FMO3: variants seen among roughly 807,000 people sequenced by gnomAD.
FMO3 encodes the protein flavin-containing monooxygenase 3.
Under a neutral mutation model 39.4 loss-of-function variants are expected in FMO3, and 40 were observed. The ratio of observed to expected loss-of-function variants is 1.02; its 90% confidence interval spans 0.79 to 1.32. The LOEUF is 1.32. Ranked by LOEUF, FMO3 falls within the 40% of genes most tolerant of loss-of-function variation. The probability of loss-of-function intolerance (pLI) is 0.00; values close to 1 mark genes in which losing one functional copy is unlikely to be tolerated. For synonymous variants in FMO3, 219 were observed against 228.8 expected, an observed-to-expected ratio of 0.96 and a Z score of 0.39; for missense variants, 680 against 651.8, an observed-to-expected ratio of 1.04 and a Z score of -0.47.
At chr1:171,105,640 A>G (rs1179079470) in intron 3 of FMO3, among the ~76,000 whole-genome samples, 2 of 152,108 alleles carry the variant, frequency 1.3e-5, no homozygotes, top group Non-Finnish European at 2.9e-5. Flanking sequence ...TAAAAAAAAA[A>G]GAGATTAACT....
intron 6 of FMO3, among the ~76,000 whole-genome samples, 155 bp from the exon 7 acceptor site, chr1:171,113,852 C>T (rs1445778988): frequency 1.3e-5 from 2 of 152,076 alleles, no homozygotes; most frequent in African/African-American, 4.8e-5. Flanking sequence ...TGTTGCCTCC[C>T]ATCAATTTTG....
intron 2 of FMO3, chr1:171,101,111 T>C (rs1425230515): frequency 4.4e-6 from 2 of 455,950 alleles, no homozygotes; most frequent in Admixed American, 4.7e-5. Flanking sequence ...ACAAGAGGGG[T>C]CTTGCCACTG....
Position 171,117,271 on chromosome 1 carries a change from A to C in FMO3, c.1428A>C (p.Pro476=). ...CSPYQFRLVG[P]GQWPGARNAI... Reference sequence around the variant, plus strand: ...CCTACCAGTTTAGGCTGGTGGGCCCAGGGCAGTGGCCAGGAGCCAGAAATG... The same window carrying C: ...CCTACCAGTTTAGGCTGGTGGGCCCCGGGCAGTGGCCAGGAGCCAGAAATG... Residue 476 remains proline (P), a synonymous_variant, in exon 9 of 9, where the codon CCA becomes CCC. Coordinates refer to ENST00000367755, the MANE Select transcript of FMO3 (RefSeq NM_001002294.3). 6.2e-7 allele frequency: 1 copy of C among 1,614,180 alleles called. No homozygotes were observed. Among genetic ancestry groups the C allele is most frequent in the Non-Finnish European group, 8.5e-7 (1 of 1,180,018 alleles).
intron 8 of FMO3, among the ~76,000 whole-genome samples, chr1:171,116,784 A>G (rs1012663047): frequency 6.6e-6 from 1 of 152,242 alleles, no homozygotes; most frequent in African/African-American, 2.4e-5. Context: ...TAGAAGGGTC[A>G]TTTGAGCAAG....
At chr1:171,107,128 T>TTAG (rs1655677118) in intron 3 of FMO3, among the ~76,000 whole-genome samples, 1 of 152,210 alleles carries the variant, frequency 6.6e-6, no homozygotes, top group Non-Finnish European at 1.5e-5. Flanking sequence ...AGGCAGCCAT[T>TTAG]TAGCTGTGAA....
intron 2 of FMO3, among the ~76,000 whole-genome samples, chr1:171,097,842 T>C (rs1369351763): frequency 1.3e-5 from 2 of 152,134 alleles, no homozygotes; most frequent in African/African-American, 4.8e-5. Flanking sequence ...TTGCTTTTGG[T>C]ATTTTAGACA....
intron 2 of FMO3, among the ~76,000 whole-genome samples, chr1:171,095,462 T>A (rs1389090174): frequency 6.6e-6 from 1 of 151,960 alleles, no homozygotes; most frequent in Admixed American, 6.6e-5. Flanking sequence ...TGAGTCTTAT[T>A]TTTCTTCTTC....
At chr1:171,092,812 T>C (rs1320245184) in intron 2 of FMO3, 22 bp downstream of exon 2, 1 of 1,613,128 alleles carries the variant, frequency 6.2e-7, no homozygotes, top group Non-Finnish European at 8.5e-7. Flanking sequence ...GTTGTTGTAA[T>C]AGACAGGAAA....
intron 5 of FMO3, among the ~76,000 whole-genome samples, chr1:171,108,819 T>A (rs895170189): frequency 6.6e-6 from 1 of 152,026 alleles, no homozygotes; most frequent in East Asian, 1.9e-4. Context: ...AAAAAAAGGA[T>A]AAACAAGTGA....
At chr1:171,093,591 T>C (rs917969925) in intron 2 of FMO3, among the ~76,000 whole-genome samples, 3 of 151,938 alleles carry the variant, frequency 2.0e-5, no homozygotes, top group African/African-American at 4.8e-5. Context: ...TCATCCTTAT[T>C]GGACAACAAG....
chr1:171,093,673 A>G (rs908803491), intron 2 of FMO3, among the ~76,000 whole-genome samples: 2 of 151,744 alleles, frequency 1.3e-5, no homozygotes, highest in African/African-American at 4.8e-5. Flanking sequence ...TTTTTTATAT[A>G]ATGACTTCTT....
rs771161406 is a variant in FMO3 at position 171,114,312 on chromosome 1, C to G, written c.1133C>G (p.Ala378Gly). 6.2e-7 allele frequency: 1 copy of G among 1,613,876 alleles called. No homozygotes were observed. The highest frequency in any genetic ancestry group is 1.7e-4 in the Middle Eastern group (1 of 6,058). The change falls in exon 7 of 9, where the codon GCC becomes GGC. Residue 378 changes from alanine to glycine, a missense_variant. Ala to Gly is a moderately conservative substitution (Grantham distance 60). Transcript: ENST00000367755. ...VIGFVQSLGAAIPTVDLQSRW... is the reference protein window; with the variant it reads ...VIGFVQSLGAGIPTVDLQSRW... The stretch of plus-strand genomic sequence containing the variant: ...GGCTTTGTCCAGTCCCTTGGGGCTG[C>G]CATTCCCACAGTTGACCTCCAGTCC...
intron 2 of FMO3, among the ~76,000 whole-genome samples, chr1:171,096,328 A>G (rs1655048796): frequency 1.0e-5 from 1 of 96,538 alleles, no homozygotes; most frequent in Non-Finnish European, 1.8e-5. Context: ...TATATAATAT[A>G]TAAAATATAT....
chr1:171,109,307 A>C (rs536281039), intron 5 of FMO3, among the ~76,000 whole-genome samples: 1 of 152,272 alleles, frequency 6.6e-6, no homozygotes, highest in African/African-American at 2.4e-5. Context: ...TTGGGATCAG[A>C]TTATATCACA....
At chr1:171,114,527 C>T (rs1656061376) in intron 7 of FMO3, among the ~76,000 whole-genome samples, 165 bp downstream of exon 7, 2 of 151,906 alleles carry the variant, frequency 1.3e-5, no homozygotes, top group Admixed American at 6.6e-5. Flanking sequence ...TAAAGTATAC[C>T]AGTTTGGATT....
chr1:171,107,897 G>A, intron 4 of FMO3, 60 bp downstream of exon 4: 4 of 1,532,890 alleles, frequency 2.6e-6, no homozygotes, highest in Non-Finnish European at 3.6e-6. Context: ...TCTTGATAAT[G>A]TCTTCTTTTT....
intron 2 of FMO3, 137 bp downstream of exon 2, chr1:171,092,927 T>C (rs1038430938): frequency 5.2e-6 from 5 of 953,560 alleles, no homozygotes; most frequent in African/African-American, 4.9e-5. Flanking sequence ...CTAAGTACAG[T>C]GTCAAGAGCA....
intron 3 of FMO3, among the ~76,000 whole-genome samples, chr1:171,105,319 A>G (rs555952445): frequency 1.3e-4 from 20 of 152,322 alleles, no homozygotes; most frequent in African/African-American, 4.8e-4. Flanking sequence ...AGCAGACAAG[A>G]TAATATGAAA....
At chr1:171,100,856 T>C (rs1301442894) in intron 2 of FMO3, 1 of 278,438 alleles carries the variant, frequency 3.6e-6, no homozygotes, top group Non-Finnish European at 7.2e-6. Flanking sequence ...TTATCTTACT[T>C]ACAAGAGAAA....
Sources: gnomAD v4.1 joint callset for allele counts (sites outside exome capture counted in the v4.1 genomes callset) on GRCh38, gnomAD v4.1.1 for gene constraint, MANE v1.5 for transcripts, NCBI Gene and HGNC (gene_info 2026-07-23, HGNC 2026-07-21) for gene names.